LAMA2: variants seen among roughly 807,000 people sequenced by gnomAD.
LAMA2 encodes the protein laminin subunit alpha-2.
Under a neutral mutation model 364.8 loss-of-function variants are expected in LAMA2, and 269 were observed. That is an observed-to-expected ratio of 0.74 (90% CI 0.67 to 0.82). LAMA2 has a LOEUF of 0.82. LAMA2 is among the 40% of genes least tolerant of loss of function. LAMA2 has a pLI of 0.00. For missense variants in LAMA2, 3,807 were observed against 3,873.2 expected (o/e 0.98, Z 0.45); for synonymous variants, 1,379 against 1,370.6 (o/e 1.01, Z -0.14).
chr6:129,248,103 G>T (rs1434382918), intron 12 of LAMA2, among the ~76,000 whole-genome samples: 1 of 152,138 alleles, frequency 6.6e-6, no homozygotes, highest in South Asian at 2.1e-4. Context: ...ATCAGCGGTG[G>T]TATTAGATTC....
intron 3 of LAMA2, among the ~76,000 whole-genome samples, chr6:129,093,009 A>T (rs1774934985): frequency 6.6e-6 from 1 of 152,026 alleles, no homozygotes; most frequent in South Asian, 2.1e-4. Context: ...GGGACAAAGG[A>T]TCTGGGATAC....
intron 1 of LAMA2, among the ~76,000 whole-genome samples, chr6:128,942,840 A>G (rs889814867): frequency 6.6e-6 from 1 of 152,124 alleles, no homozygotes; most frequent in Non-Finnish European, 1.5e-5. Context: ...AAGGGAGCTC[A>G]TTTGGGGTGG....
intron 13 of LAMA2, among the ~76,000 whole-genome samples, chr6:129,250,491 G>A (rs1190516013): frequency 6.6e-6 from 1 of 152,106 alleles, no homozygotes; most frequent in African/African-American, 2.4e-5. Flanking sequence ...TAAATATTAT[G>A]AAAGTGTTTA....
chr6:128,905,514 A>C (rs1253314821), intron 1 of LAMA2: 1 of 152,162 alleles, frequency 6.6e-6, no homozygotes, highest in African/African-American at 2.4e-5. Flanking sequence ...AAGGAAGCTT[A>C]TCTGGACAGG....
intron 39 of LAMA2, among the ~76,000 whole-genome samples, chr6:129,403,439 A>G (rs1046298002): frequency 6.6e-6 from 1 of 152,120 alleles, no homozygotes; most frequent in Non-Finnish European, 1.5e-5. Context: ...TGGGAAGTGC[A>G]CCTACCCCAG....
Position 129,222,093 on chromosome 6 carries a change from G to A in LAMA2, c.1783-28019G>A, listed in dbSNP as rs545172706. ...TGCTGCAGGGTAACGGGGTGGTGAGGATTGTATAGATAGTTGCAAACATTG... is the reference window on the plus strand; with the variant it reads ...TGCTGCAGGGTAACGGGGTGGTGAGAATTGTATAGATAGTTGCAAACATTG... On this transcript the variant is annotated intron_variant, in intron 12 of 64. Transcript: ENST00000421865. 3.3e-5 allele frequency among the ~76,000 whole-genome samples: 5 copies of A among 152,268 alleles called. No individual in the cohort carries two copies. In the South Asian group the frequency reaches 6.2e-4, roughly 19 times the overall value.
At chr6:129,132,589 G>A (rs2114938716) in intron 4 of LAMA2, among the ~76,000 whole-genome samples, 1 of 152,306 alleles carries the variant, frequency 6.6e-6, no homozygotes, top group South Asian at 2.1e-4. Context: ...AGCATTTCCA[G>A]AAGCACCTCT....
At chr6:129,344,281 T>A (rs1324067169) in intron 30 of LAMA2, among the ~76,000 whole-genome samples, 1 of 152,074 alleles carries the variant, frequency 6.6e-6, no homozygotes, top group Non-Finnish European at 1.5e-5. Flanking sequence ...GTAATAGTAA[T>A]AAGAATGGAG....
At chr6:129,484,788 G>T (rs747357297) in intron 55 of LAMA2, among the ~76,000 whole-genome samples, 13 of 152,086 alleles carry the variant, frequency 8.5e-5, no homozygotes, top group Non-Finnish European at 1.8e-4. Flanking sequence ...ATCCACATTT[G>T]TGGTTACCTC....
At chr6:129,439,959 C>T (rs1782024274) in intron 42 of LAMA2, among the ~76,000 whole-genome samples, 1 of 151,432 alleles carries the variant, frequency 6.6e-6, no homozygotes, top group Admixed American at 6.6e-5. Context: ...AGATACAGAA[C>T]CTACTGACAC....
chr6:129,394,250 A>G (rs894134757), intron 37 of LAMA2, among the ~76,000 whole-genome samples: 3 of 152,190 alleles, frequency 2.0e-5, no homozygotes, highest in Non-Finnish European at 2.9e-5. Context: ...CAGCAGACCT[A>G]TACATCTTCT....
chr6:129,315,655 G>A lies in LAMA2; in HGVS notation c.3735G>A (p.Lys1245=). 6.2e-7 allele frequency: 1 copy of A among 1,613,876 alleles called. No individual in the cohort carries two copies. Among genetic ancestry groups the A allele is most frequent in the Non-Finnish European group, 8.5e-7 (1 of 1,179,796 alleles). The change falls in exon 25 of 65, where the codon AAG becomes AAA. Residue 1245 remains lysine, a splice_region_variant and synonymous_variant. Coordinates refer to ENST00000421865, the MANE Select transcript of LAMA2 (RefSeq NM_000426.4). ...TTCCAGAACAATTTGAAGGAAAGAA[G>A]GTAAGCACAAGAACTTTAATGTCAA... ...WKLPEQFEGK[K]LMAYGGKLKY... is the part of the protein sequence containing the mutation.
intron 33 of LAMA2, among the ~76,000 whole-genome samples, chr6:129,368,232 T>C (rs963731008): frequency 1.3e-5 from 2 of 152,178 alleles, no homozygotes; most frequent in Non-Finnish European, 2.9e-5. Flanking sequence ...ACATGGATAT[T>C]AGAAGGACAC....
chr6:129,234,339 A>G (rs2115137524), intron 12 of LAMA2, among the ~76,000 whole-genome samples: 1 of 152,318 alleles, frequency 6.6e-6, no homozygotes. Context: ...AAAGTCAAAC[A>G]TTCATTATAA....
chr6:128,967,288 T>G (rs561433799), intron 1 of LAMA2, among the ~76,000 whole-genome samples: 37 of 152,242 alleles, frequency 2.4e-4, no homozygotes, highest in Non-Finnish European at 5.0e-4. Flanking sequence ...TAAAGAGAAA[T>G]ATAAATGAAA....
At chr6:129,434,710 C>A (rs1781755267) in intron 41 of LAMA2, among the ~76,000 whole-genome samples, 1 of 152,052 alleles carries the variant, frequency 6.6e-6, no homozygotes, top group South Asian at 2.1e-4. Flanking sequence ...CCTCCTCTGT[C>A]TTTTATTTAA....
intron 1 of LAMA2, among the ~76,000 whole-genome samples, chr6:128,892,221 C>A (rs1190798769): frequency 1.3e-5 from 2 of 151,836 alleles, no homozygotes; most frequent in Non-Finnish European, 2.9e-5. Context: ...TATCTCATTG[C>A]CAAGAGATTG....
chr6:129,387,707 A>G (rs1405625144), intron 35 of LAMA2, among the ~76,000 whole-genome samples: 1 of 152,236 alleles, frequency 6.6e-6, no homozygotes, highest in Admixed American at 6.5e-5. Context: ...ACACCATGGA[A>G]TACTATGCAG....
At position 129,452,968 on chromosome 6, in the gene LAMA2, G is replaced by T; in HGVS notation, c.6430-20G>T. On this transcript the variant is annotated intron_variant, in intron 45 of 64. Coordinates refer to ENST00000421865, the MANE Select transcript of LAMA2 (RefSeq NM_000426.4). ...CTGAGAGATTTACTCTTGGTTCTTT[G>T]TATCTTGTTTTTTTTAAAGATCAAA... The T allele has an allele frequency of 1.2e-6, 2 of 1,608,596 alleles. No homozygotes were observed. The highest frequency in any genetic ancestry group is 1.1e-5 in the South Asian group (1 of 90,842).
Sources: gnomAD v4.1 joint callset for allele counts (sites outside exome capture counted in the v4.1 genomes callset) on GRCh38, gnomAD v4.1.1 for gene constraint, MANE v1.5 for transcripts, NCBI Gene and HGNC (gene_info 2026-07-23, HGNC 2026-07-21) for gene names.